The following AUTS2 variants were observed in gnomAD, a reference collection of about 807,000 sequenced individuals.
AUTS2 encodes activator of transcription and developmental regulator AUTS2.
In AUTS2, 17 loss-of-function variants were observed where a neutral mutation model predicts 112.4. The observed-to-expected ratio is 0.15, with a 90% CI of 0.10 to 0.23. The LOEUF is 0.23. Among genes scored for constraint, AUTS2 ranks in the 10% least tolerant of loss-of-function variants. AUTS2 has a pLI of 1.00. For missense variants in AUTS2, 1,510 were observed against 1,701.6 expected (o/e 0.89, Z 1.98); for synonymous variants, 751 against 702.7 (o/e 1.07, Z -1.09).
intron 1 of AUTS2, among the ~76,000 whole-genome samples, chr7:69,799,990 C>T (rs1398939162): frequency 6.6e-6 from 1 of 152,160 alleles, no homozygotes; most frequent in African/African-American, 2.4e-5. Context: ...TGATAATCAG[C>T]ATTTACCAAA....
chr7:70,296,277 C>A (rs1312513031), intron 4 of AUTS2, among the ~76,000 whole-genome samples: 1 of 152,174 alleles, frequency 6.6e-6, no homozygotes. Flanking sequence ...GGAACAAAGT[C>A]ATTTTCAAGT....
intron 2 of AUTS2, among the ~76,000 whole-genome samples, chr7:69,972,314 T>C (rs1797880980): frequency 6.6e-6 from 1 of 152,214 alleles, no homozygotes; most frequent in Non-Finnish European, 1.5e-5. Context: ...AAATTTTTAC[T>C]GTTGAGTTTT....
intron 1 of AUTS2, among the ~76,000 whole-genome samples, chr7:69,741,730 A>G (rs1352935678): frequency 6.6e-6 from 1 of 151,860 alleles, no homozygotes; most frequent in African/African-American, 2.4e-5. Flanking sequence ...TCCATAGCCT[A>G]ACCACCTTGG....
At chr7:70,547,491 GATCT>G (rs1800837629) in intron 5 of AUTS2, among the ~76,000 whole-genome samples, 1 of 152,178 alleles carries the variant, frequency 6.6e-6, no homozygotes. Context: ...TCCACCTCGT[GATCT>G]GCCTGCCTCA....
At chr7:70,349,220 C>G (rs902310301) in intron 4 of AUTS2, among the ~76,000 whole-genome samples, 1 of 152,178 alleles carries the variant, frequency 6.6e-6, no homozygotes, top group Non-Finnish European at 1.5e-5. Context: ...CTTCCTGGGT[C>G]TAATTCAAGA....
intron 5 of AUTS2, among the ~76,000 whole-genome samples, chr7:70,679,648 G>A (rs1013223014): frequency 1.3e-5 from 2 of 151,614 alleles, no homozygotes; most frequent in African/African-American, 2.4e-5. Context: ...GTCCCTGTCC[G>A]CTTCTAGCCC....
chr7:70,381,231 G>A (rs62455213), intron 4 of AUTS2, among the ~76,000 whole-genome samples: 14,146 of 152,214 alleles, frequency 0.093, 1,502 homozygotes, highest in East Asian at 0.51. Context: ...AAAGAAGAGG[G>A]ATAATGATAG....
rs1372464590 is a variant in AUTS2, at chr7:69,897,585, C to CAA, written c.310-1687_310-1686dup. On this transcript the variant is annotated intron_variant, in intron 1 of 18. Transcript: ENST00000342771. Reference sequence around the variant, plus strand: ...TGAAACCCCGTCTCTACTAAAAATACAAAAAAAAAAAAAAACAAAAAAAAT... The same window carrying CAA: ...TGAAACCCCGTCTCTACTAAAAATACAAAAAAAAAAAAAAAAACAAAAAAAAT... Among the ~76,000 whole-genome samples the CAA allele has an allele frequency of 1.7e-4, 16 of 96,746 alleles. 1 individual carries two copies. The highest frequency in any genetic ancestry group is 9.6e-4 in the South Asian group (3 of 3,122). 63.5% of individuals were successfully genotyped at this position (96,746 alleles called of 152,430 possible). A position where few individuals can be genotyped will look rare whatever the true frequency, so the allele number is the denominator to read the frequency against.
chr7:70,531,935 T>C (rs567157031), intron 5 of AUTS2, among the ~76,000 whole-genome samples: 1 of 152,358 alleles, frequency 6.6e-6, no homozygotes, highest in African/African-American at 2.4e-5. Context: ...CCAGCTCAGC[T>C]GATCTCTGCT....
At chr7:69,907,114 G>T (rs2129541434) in intron 2 of AUTS2, among the ~76,000 whole-genome samples, 1 of 152,258 alleles carries the variant, frequency 6.6e-6, no homozygotes, top group Non-Finnish European at 1.5e-5. Flanking sequence ...CTCCAAAAAA[G>T]AAAACCACAC....
intron 1 of AUTS2, among the ~76,000 whole-genome samples, chr7:69,796,032 G>A (rs878981204): frequency 6.6e-6 from 1 of 152,198 alleles, no homozygotes; most frequent in Admixed American, 6.5e-5. Context: ...TGCTTTGAGA[G>A]GGTCTGTCAG....
chr7:70,273,385 A>G (rs980934318), intron 4 of AUTS2, among the ~76,000 whole-genome samples: 2 of 152,194 alleles, frequency 1.3e-5, no homozygotes, highest in African/African-American at 2.4e-5. Flanking sequence ...ATTTGGGACC[A>G]CAATAATTTT....
intron 5 of AUTS2, among the ~76,000 whole-genome samples, chr7:70,473,950 C>A (rs1347503982): frequency 6.6e-6 from 1 of 152,110 alleles, no homozygotes; most frequent in Middle Eastern, 3.2e-3. Flanking sequence ...ATCCTCCCAG[C>A]TTCTTCAAGC....
At chr7:70,266,349 A>T (rs941203494) in intron 4 of AUTS2, among the ~76,000 whole-genome samples, 2 of 152,160 alleles carry the variant, frequency 1.3e-5, no homozygotes, top group African/African-American at 4.8e-5. Flanking sequence ...AAATAGGTAA[A>T]TCCATTGCCA....
chr7:69,866,261 T>C (rs1793227410), intron 1 of AUTS2, among the ~76,000 whole-genome samples: 1 of 152,172 alleles, frequency 6.6e-6, no homozygotes, highest in Non-Finnish European at 1.5e-5. Flanking sequence ...GGTGATTAAG[T>C]AGTTCCCTCC....
chr7:70,010,503 T>A (rs1327177597), intron 2 of AUTS2, among the ~76,000 whole-genome samples: 1 of 152,182 alleles, frequency 6.6e-6, no homozygotes, highest in Non-Finnish European at 1.5e-5. Flanking sequence ...ACATGAAGTT[T>A]AGCAATGTTC....
At chr7:69,835,219 G>A (rs1364907312) in intron 1 of AUTS2, among the ~76,000 whole-genome samples, 1 of 151,964 alleles carries the variant, frequency 6.6e-6, no homozygotes, top group Non-Finnish European at 1.5e-5. Flanking sequence ...GACACAAAGA[G>A]TAACAGAGCC....
At chr7:69,770,241 G>A (rs1047291189) in intron 1 of AUTS2, among the ~76,000 whole-genome samples, 4 of 152,202 alleles carry the variant, frequency 2.6e-5, no homozygotes, top group African/African-American at 9.6e-5. Context: ...TGTTAATCTA[G>A]CAAAACATCT....
chr7:70,178,706 A>G (rs1356806245), intron 4 of AUTS2, among the ~76,000 whole-genome samples: 1 of 152,168 alleles, frequency 6.6e-6, no homozygotes, highest in Non-Finnish European at 1.5e-5. Flanking sequence ...AGGCTGAGGC[A>G]TGAGAATCGC....
Sources: gnomAD v4.1 joint callset for allele counts (sites outside exome capture counted in the v4.1 genomes callset) on GRCh38, gnomAD v4.1.1 for gene constraint, MANE v1.5 for transcripts, NCBI Gene and HGNC (gene_info 2026-07-23, HGNC 2026-07-21) for gene names.